Variants in UTRN observed in about 807,000 individuals in gnomAD.
The protein encoded by UTRN is utrophin.
UTRN carries 283 observed loss-of-function variants against 463.9 expected under a neutral mutation model. The ratio of observed to expected loss-of-function variants is 0.61; its 90% CI spans 0.55 to 0.67. The LOEUF is 0.67. UTRN is among the 30% of genes least tolerant of loss of function. The pLI is 0.00. For synonymous variants in UTRN, 1,442 were observed against 1,431.5 expected, an observed-to-expected ratio of 1.01 and a Z score of -0.17; for missense variants, 3,922 against 4,084.3, an observed-to-expected ratio of 0.96 and a Z score of 1.08.
chr6:144,840,594 C>T (rs1266704500), intron 72 of UTRN, 146 bp from the exon 73 acceptor site: 2 of 806,316 alleles, frequency 2.5e-6, no homozygotes, highest in African/African-American at 3.4e-5. Flanking sequence ...TGGGTATATT[C>T]CCCTAAAATT....
At chr6:144,362,009 T>C (rs939158882) in intron 2 of UTRN, among the ~76,000 whole-genome samples, 4 of 152,090 alleles carry the variant, frequency 2.6e-5, no homozygotes, top group Non-Finnish European at 4.4e-5. Context: ...CAAAGCCAAA[T>C]TCATCATAGT....
rs79166134 is a variant in UTRN, at chr6:144,667,898, G to C, written c.7480-10508G>C. Among the ~76,000 whole-genome samples the C allele has an allele frequency of 2.6e-3, 389 of 152,242 alleles. 14 individuals are homozygous for C. The East Asian group carries it at 0.055, about 21-fold the overall frequency. On this transcript the variant is annotated intron_variant, in intron 51 of 74. Coordinates refer to ENST00000367545, the MANE Select transcript of UTRN (RefSeq NM_007124.3). ...TCACTTCTCTTCTGCACTGCTCTGGGATAGAACTGCCAGTGAAATGCAAAA... is the reference window on the plus strand; with the variant it reads ...TCACTTCTCTTCTGCACTGCTCTGGCATAGAACTGCCAGTGAAATGCAAAA...
chr6:144,541,170 T>C (rs1354701302), intron 45 of UTRN, among the ~76,000 whole-genome samples: 1 of 152,096 alleles, frequency 6.6e-6, no homozygotes, highest in East Asian at 1.9e-4. Context: ...CCACCAATGG[T>C]TTTCTATCTT....
intron 2 of UTRN, among the ~76,000 whole-genome samples, chr6:144,389,157 G>C (rs1781680211): frequency 6.6e-6 from 1 of 152,204 alleles, no homozygotes; most frequent in South Asian, 2.1e-4. Flanking sequence ...GGAAAGGCAG[G>C]ACAACTCGAA....
intron 51 of UTRN, among the ~76,000 whole-genome samples, chr6:144,605,104 T>A (rs1039450469): frequency 5.9e-5 from 9 of 152,150 alleles, no homozygotes; most frequent in Non-Finnish European, 1.3e-4. Context: ...TAATTACTAA[T>A]GAACACAGAT....
intron 51 of UTRN, among the ~76,000 whole-genome samples, chr6:144,611,126 A>C (rs778590933): frequency 7.2e-5 from 11 of 152,240 alleles, no homozygotes; most frequent in Non-Finnish European, 1.2e-4. Context: ...CATCGCGATA[A>C]ATGCAGAAAA....
At chr6:144,525,779 T>TCACAC (rs1172346254) in intron 41 of UTRN, among the ~76,000 whole-genome samples, 1 of 152,132 alleles carries the variant, frequency 6.6e-6, no homozygotes, top group Non-Finnish European at 1.5e-5. Flanking sequence ...CTTTAGATTG[T>TCACAC]CTATTTGTGC....
chr6:144,832,499 C>G (rs982467993), intron 69 of UTRN, among the ~76,000 whole-genome samples: 11 of 152,292 alleles, frequency 7.2e-5, no homozygotes, highest in Non-Finnish European at 1.5e-4. Flanking sequence ...GATAGTCAGT[C>G]TCCAAATCTT....
intron 59 of UTRN, among the ~76,000 whole-genome samples, 171 bp from the exon 60 acceptor site, chr6:144,774,119 A>G (rs1453867239): frequency 1.3e-5 from 2 of 152,196 alleles, no homozygotes; most frequent in African/African-American, 4.8e-5. Flanking sequence ...CATGGTGCTA[A>G]TGATCATTTA....
At chr6:144,559,233 A>C (rs1479341436) in intron 50 of UTRN, among the ~76,000 whole-genome samples, 1 of 152,128 alleles carries the variant, frequency 6.6e-6, no homozygotes, top group Non-Finnish European at 1.5e-5. Flanking sequence ...ATCATAGCTA[A>C]GACAATTACA....
chr6:144,394,397 G>C (rs1225610460), intron 2 of UTRN, among the ~76,000 whole-genome samples: 1 of 152,104 alleles, frequency 6.6e-6, no homozygotes, highest in Admixed American at 6.5e-5. Context: ...GCTCTCATGA[G>C]ACTTATTCAT....
At chr6:144,686,782 C>A (rs1008552602) in intron 52 of UTRN, among the ~76,000 whole-genome samples, 1 of 151,980 alleles carries the variant, frequency 6.6e-6, no homozygotes, top group African/African-American at 2.4e-5. Context: ...CTATAAGAAT[C>A]CTTATGTGTT....
At chr6:144,409,715 T>C (rs1342817895) in intron 3 of UTRN, among the ~76,000 whole-genome samples, 2 of 152,158 alleles carry the variant, frequency 1.3e-5, no homozygotes, top group Non-Finnish European at 2.9e-5. Flanking sequence ...TTAGCTGCAA[T>C]TGCCACAGGT....
rs1455305327 is a variant in UTRN, at chr6:144,475,182, T to C, written c.3336+423T>C. On this transcript the variant is annotated intron_variant, in intron 25 of 74. Coordinates refer to ENST00000367545, the MANE Select transcript of UTRN (RefSeq NM_007124.3). ...TCTAGTGAGGCAGATGGATAATGAA[T>C]AATATCATGGAGGAGTAGCAAGGAG... 3.3e-5 allele frequency among the ~76,000 whole-genome samples: 5 copies of C among 152,294 alleles called. No individual in the cohort carries two copies. In the East Asian group the frequency reaches 7.7e-4, roughly 23 times the overall value.
intron 51 of UTRN, among the ~76,000 whole-genome samples, chr6:144,611,156 CA>C (rs1204349120): frequency 1.3e-5 from 2 of 152,134 alleles, no homozygotes; most frequent in Middle Eastern, 3.2e-3. Context: ...AGCATTTGAC[CA>C]AATTCAACAC....
At chr6:144,846,735 A>G (rs2128765722) in intron 73 of UTRN, 70 bp from the exon 74 acceptor site, 2 of 1,606,512 alleles carry the variant, frequency 1.2e-6, no homozygotes, top group Non-Finnish European at 1.7e-6. Context: ...ACGCATTTGC[A>G]TGCCTGAGAG....
chr6:144,778,696 T>C (rs1285626755), intron 60 of UTRN, among the ~76,000 whole-genome samples: 3 of 152,012 alleles, frequency 2.0e-5, no homozygotes, highest in African/African-American at 7.2e-5. Context: ...AAGCCCAAGA[T>C]TGGATGCTTA....
At position 144,764,918 on chromosome 6, in the gene UTRN, C is replaced by T. The variant is rs889536035; in HGVS notation, c.8495+6929C>T. ...CCCTCAACTGTTGTGGGAACATAGT[C>T]CTGGTGTTAACACCTTCAGATGGGG... On this transcript the variant is annotated intron_variant, in intron 58 of 74. Coordinates refer to ENST00000367545, the MANE Select transcript of UTRN (RefSeq NM_007124.3). Among the ~76,000 whole-genome samples, 3 of 152,212 alleles carry T rather than the reference C, an allele frequency of 2.0e-5. No homozygotes were observed. In the East Asian group the frequency reaches 5.8e-4, roughly 29 times the overall value.
chr6:144,486,986 G>A (rs1017187404), intron 28 of UTRN, among the ~76,000 whole-genome samples: 2 of 152,140 alleles, frequency 1.3e-5, no homozygotes, highest in African/African-American at 4.8e-5. Flanking sequence ...TATATAAAAA[G>A]TGTGTATATA....
Sources: gnomAD v4.1 joint callset for allele counts (sites outside exome capture counted in the v4.1 genomes callset) on GRCh38, gnomAD v4.1.1 for gene constraint, MANE v1.5 for transcripts, NCBI Gene and HGNC (gene_info 2026-07-23, HGNC 2026-07-21) for gene names.